DMD: variants seen among roughly 807,000 people sequenced by gnomAD.
The protein encoded by DMD is dystrophin.
DMD carries 63 observed loss-of-function variants against 330.1 expected under a neutral mutation model. The ratio of observed to expected loss-of-function variants is 0.19; its 90% CI spans 0.16 to 0.24. The LOEUF (loss-of-function observed/expected upper bound fraction) is 0.24. Among genes scored for constraint, DMD ranks in the 10% least tolerant of loss-of-function variants. The pLI, the probability that DMD is intolerant of heterozygous loss-of-function variation, is 1.00. For synonymous variants in DMD, 1,223 were observed against 959.8 expected, an observed-to-expected ratio of 1.27 and a Z score of -5.07; for missense variants, 3,344 against 2,684.1, an observed-to-expected ratio of 1.25 and a Z score of -5.43.
chrX:32,314,290 A>G (rs189624882), intron 41 of DMD, among the ~76,000 whole-genome samples: 19 of 111,873 alleles, frequency 1.7e-4, no homozygotes, highest in African/African-American at 6.2e-4. Context: ...AAAACAAGCA[A>G]TGTGGAAAAG....
intron 44 of DMD, among the ~76,000 whole-genome samples, chrX:32,042,088 C>T (rs1351784355): frequency 2.5e-5 from 2 of 81,551 alleles, no homozygotes; most frequent in African/African-American, 9.3e-5. Flanking sequence ...TACACACACA[C>T]ATATGTATAC....
intron 43 of DMD, among the ~76,000 whole-genome samples, chrX:32,227,264 C>CATATATATATATATAT (rs57305198): frequency 2.8e-5 from 1 of 35,859 alleles, no homozygotes; most frequent in Non-Finnish European, 5.4e-5. Flanking sequence ...TAAGTCTAAG[C>CATATATATATATATAT]ATATATATAT....
intron 29 of DMD, 79 bp from the exon 30 acceptor site, chrX:32,411,992 G>A (rs370971616): frequency 3.5e-5 from 42 of 1,185,806 alleles, no homozygotes; most frequent in Middle Eastern, 2.3e-4. Context: ...AACAATAAAT[G>A]AAGATTCTAG....
intron 61 of DMD, among the ~76,000 whole-genome samples, chrX:31,333,407 C>CTTT (rs145925904): frequency 2.5e-5 from 1 of 39,338 alleles, no homozygotes. Context: ...CTGCCCCCGC[C>CTTT]TTTTTTTTTT....
At chrX:33,335,710 T>C (rs1323323724) in intron 1 of DMD, among the ~76,000 whole-genome samples, 1 of 110,739 alleles carries the variant, frequency 9.0e-6, no homozygotes, top group Non-Finnish European at 1.9e-5. Flanking sequence ...AACAGAGACA[T>C]AAGGCACATT....
intron 4 of DMD, among the ~76,000 whole-genome samples, chrX:32,842,482 T>C (rs1451832175): frequency 8.9e-6 from 1 of 111,810 alleles, no homozygotes; most frequent in South Asian, 3.7e-4. Flanking sequence ...TGCTAGCATG[T>C]ACAACCAGAG....
At chrX:32,304,410 T>C (rs1429767278) in intron 42 of DMD, among the ~76,000 whole-genome samples, 1 of 111,003 alleles carries the variant, frequency 9.0e-6, no homozygotes, top group Non-Finnish European at 1.9e-5. Context: ...GTAGGACAAC[T>C]GCTAGGCTTG....
intron 55 of DMD, among the ~76,000 whole-genome samples, chrX:31,522,359 C>CTATATATA (rs1163138588): frequency 5.6e-4 from 30 of 53,983 alleles, no homozygotes; most frequent in African/African-American, 1.6e-3. Context: ...CTCTCTCTCT[C>CTATATATA]TCTCTATATA....
intron 44 of DMD, among the ~76,000 whole-genome samples, chrX:32,041,821 A>G (rs1458498033): frequency 2.8e-5 from 3 of 108,515 alleles, no homozygotes; most frequent in Non-Finnish European, 5.7e-5. Flanking sequence ...AGGCATAATT[A>G]GATTTAAAAT....
chrX:31,370,356 T>A (rs930806552), intron 60 of DMD, among the ~76,000 whole-genome samples: 1 of 111,818 alleles, frequency 8.9e-6, no homozygotes, highest in South Asian at 3.7e-4. Context: ...AAAAAACTTT[T>A]GAATTAGAAA....
At position 31,929,679 on chromosome X, in the gene DMD, C is replaced by T. The variant is rs773807157; in HGVS notation, c.6829G>A (p.Val2277Met). 8 of 1,211,342 alleles carry T rather than the reference C, an allele frequency of 6.6e-6. No homozygotes were observed. Among genetic ancestry groups the T allele is most frequent in the Middle Eastern group, 2.3e-4 (1 of 4,353 alleles). ...LKQLNETGGP[V>M]LVSAPISPEE... is the part of the protein sequence containing the mutation. ...GGGCTTATGGGAGCACTTACAAGCA[C>T]GGGTCCTCCAGTTTCATTTAATTGT... The change falls in exon 47 of 79, where the codon GTG becomes ATG. Residue 2277 changes from valine (V) to methionine (M), a missense_variant. Val to Met is a conservative substitution (Grantham distance 21). Coordinates refer to ENST00000357033, the MANE Select transcript of DMD (RefSeq NM_004006.3).
At chrX:31,784,797 TC>T (rs2091208930) in intron 50 of DMD, among the ~76,000 whole-genome samples, 2 of 112,061 alleles carry the variant, frequency 1.8e-5, no homozygotes, top group South Asian at 7.4e-4. Flanking sequence ...ATCTACATGT[TC>T]TGATAACATT....
At chrX:32,455,366 T>A (rs1008203783) in intron 25 of DMD, among the ~76,000 whole-genome samples, 6 of 111,602 alleles carry the variant, frequency 5.4e-5, no homozygotes, top group African/African-American at 1.6e-4. Context: ...GATGTTCTAA[T>A]ACCATTTATA....
At chrX:31,893,243 T>C (rs376460600) in intron 47 of DMD, among the ~76,000 whole-genome samples, 20 of 111,897 alleles carry the variant, frequency 1.8e-4, no homozygotes, top group Non-Finnish European at 3.4e-4. Flanking sequence ...GAGCATCAAA[T>C]AGTAGCTTGT....
intron 62 of DMD, among the ~76,000 whole-genome samples, chrX:31,270,215 T>A (rs756902856): frequency 9.3e-6 from 1 of 107,407 alleles, no homozygotes; most frequent in Non-Finnish European, 1.9e-5. Context: ...CTAGCCTGCC[T>A]AGAGCCTTGT....
At chrX:32,390,255 G>A in intron 30 of DMD, 74 bp from the exon 31 acceptor site, 1 of 787,744 alleles carries the variant, frequency 1.3e-6, no homozygotes, top group Non-Finnish European at 1.9e-6. Context: ...ACGAAATTCA[G>A]AAACTCTCCT....
At chrX:32,447,088 C>A (rs190031090) in intron 27 of DMD, among the ~76,000 whole-genome samples, 16 of 110,598 alleles carry the variant, frequency 1.4e-4, no homozygotes, top group African/African-American at 5.2e-4. Flanking sequence ...AACAATGATG[C>A]TTATTTAAGG....
chrX:31,569,621 T>TATATACGTATATAC (rs1270269121), intron 55 of DMD, among the ~76,000 whole-genome samples: 25 of 98,765 alleles, frequency 2.5e-4, no homozygotes, highest in Admixed American at 3.3e-4. Context: ...TACGTATATA[T>TATATACGTATATAC]ACGTATATAC....
chrX:31,940,457 A>G (rs1458715718), intron 45 of DMD, among the ~76,000 whole-genome samples: 1 of 111,749 alleles, frequency 8.9e-6, no homozygotes, highest in Non-Finnish European at 1.9e-5. Flanking sequence ...CCCACCTCCA[A>G]TAACCACCAC....
Sources: allele counts gnomAD v4.1 joint callset (sites outside exome capture counted in the v4.1 genomes callset), GRCh38; gene constraint gnomAD v4.1.1; transcripts MANE v1.5; gene names NCBI Gene and HGNC (gene_info 2026-07-23, HGNC 2026-07-21).